CYB5A: variants seen among roughly 807,000 people sequenced by gnomAD.
CYB5A encodes the protein cytochrome b5 type A.
CYB5A carries 10 observed loss-of-function variants against 16.2 expected under a neutral mutation model. That is an observed-to-expected ratio of 0.62 (90% CI 0.38 to 1.04). The LOEUF (loss-of-function observed/expected upper bound fraction) is 1.04, where lower values mean the gene tolerates loss of function less well. CYB5A is among the 50% of genes least tolerant of loss of function. The pLI is 0.01. For synonymous variants in CYB5A, 62 were observed against 57.0 expected, an observed-to-expected ratio of 1.09 and a Z score of -0.40; for missense variants, 161 against 165.9, an observed-to-expected ratio of 0.97 and a Z score of 0.16.
intron 3 of CYB5A, chr18:74,257,252 T>TAC: frequency 3.8e-6 from 1 of 263,870 alleles, no homozygotes; most frequent in South Asian, 4.4e-5. Context: ...CCTTTGTGGT[T>TAC]ACCATGGGAG....
chr18:74,264,113 A>C (rs1208137983), intron 1 of CYB5A, among the ~76,000 whole-genome samples: 1 of 151,616 alleles, frequency 6.6e-6, no homozygotes, highest in Non-Finnish European at 1.5e-5. Flanking sequence ...CAGGAGGCTG[A>C]GTCTTGAGAA....
intron 3 of CYB5A, chr18:74,258,814 G>A (rs933778104): frequency 6.6e-6 from 1 of 152,220 alleles, no homozygotes; most frequent in South Asian, 2.1e-4. Flanking sequence ...ATACTCAGAA[G>A]TTAGTTAATC....
At chr18:74,284,929 G>A (rs1983263135) in intron 1 of CYB5A, among the ~76,000 whole-genome samples, 1 of 152,184 alleles carries the variant, frequency 6.6e-6, no homozygotes, top group African/African-American at 2.4e-5. Flanking sequence ...TCAACAGCAA[G>A]AACGGAGCTG....
intron 1 of CYB5A, among the ~76,000 whole-genome samples, chr18:74,289,639 GAT>G (rs1321561441): frequency 6.6e-5 from 10 of 152,104 alleles, no homozygotes; most frequent in Non-Finnish European, 1.3e-4. Context: ...AGCTGGGCGT[GAT>G]GGTGTGCGCC....
At chr18:74,275,711 A>G (rs1367225313) in intron 1 of CYB5A, among the ~76,000 whole-genome samples, 1 of 152,196 alleles carries the variant, frequency 6.6e-6, no homozygotes, top group African/African-American at 2.4e-5. Context: ...AAGCAACAAG[A>G]GGAACATGAA....
At chr18:74,271,683 G>A (rs991503662) in intron 1 of CYB5A, among the ~76,000 whole-genome samples, 1 of 151,932 alleles carries the variant, frequency 6.6e-6, no homozygotes, top group Non-Finnish European at 1.5e-5. Flanking sequence ...TGTGTGTGCG[G>A]TGAGATCACT....
In CYB5A at chr18:74,260,665, A is replaced by G. The variant is rs147939839; in HGVS notation, c.288+250T>C. 802 of 563,528 alleles carry G rather than the reference A, an allele frequency of 1.4e-3. 17 individuals are homozygous for G. The East Asian group carries it at 0.027, about 19-fold the overall frequency. The allele number at this position is 563,528 out of a possible 1,614,324, so 34.9% of individuals were successfully genotyped here. On this transcript the variant is annotated intron_variant, in intron 3 of 4. Transcript: ENST00000340533. ...AAAAGTAGCTCTTCAAATGGTATAT[A>G]TTGATAATTATGATGAAAAAAGTAG... is the stretch of plus-strand genomic sequence containing the variant.
chr18:74,275,728 TC>T (rs1344537681), intron 1 of CYB5A, among the ~76,000 whole-genome samples: 1 of 152,092 alleles, frequency 6.6e-6, no homozygotes, highest in Admixed American at 6.6e-5. Flanking sequence ...TGAAGGGGCA[TC>T]CGAATTGTTG....
At chr18:74,263,794 C>T (rs968169712) in intron 1 of CYB5A, among the ~76,000 whole-genome samples, 1 of 151,994 alleles carries the variant, frequency 6.6e-6, no homozygotes, top group African/African-American at 2.4e-5. Flanking sequence ...CCCCTGCAGT[C>T]CCAGATACAT....
chr18:74,272,428 A>G (rs1012815545), intron 1 of CYB5A, among the ~76,000 whole-genome samples: 8 of 152,192 alleles, frequency 5.3e-5, no homozygotes, highest in African/African-American at 1.9e-4. Flanking sequence ...CCCTTTCTGC[A>G]GAAAGTAAAG....
chr18:74,273,744 A>G (rs1982760810), intron 1 of CYB5A, among the ~76,000 whole-genome samples: 1 of 152,214 alleles, frequency 6.6e-6, no homozygotes, highest in African/African-American at 2.4e-5. Context: ...GAGAGATGCC[A>G]AGGCTTTCAG....
intron 2 of CYB5A, chr18:74,261,167 C>T (rs995650647): frequency 2.0e-5 from 10 of 501,390 alleles, no homozygotes; most frequent in African/African-American, 3.9e-5. Flanking sequence ...TCCAAAGTTT[C>T]GAACAGCACC....
intron 1 of CYB5A, among the ~76,000 whole-genome samples, chr18:74,284,609 C>T (rs74810966): frequency 0.12 from 18,191 of 152,206 alleles, 1,381 homozygotes; most frequent in Non-Finnish European, 0.17. Context: ...AACTGACACT[C>T]CCCAGGCCCT....
In CYB5A at chr18:74,262,073, G is replaced by A. The variant is rs961229263; in HGVS notation, c.259-1129C>T. Among the ~76,000 whole-genome samples the A allele has an allele frequency of 2.2e-4, 34 of 152,184 alleles. 1 individual carries two copies. Among genetic ancestry groups the A allele is most frequent in the Admixed American group, 2.2e-3 (34 of 15,280 alleles). On this transcript the variant is annotated intron_variant, in intron 2 of 4. Transcript: ENST00000340533. ...TTTCAGCGATTTTCCTGATAACTTAGGTTGACAGACTAGTAACATTTAACA... is the reference window on the plus strand; with the variant it reads ...TTTCAGCGATTTTCCTGATAACTTAAGTTGACAGACTAGTAACATTTAACA...
intron 1 of CYB5A, among the ~76,000 whole-genome samples, chr18:74,291,395 TA>T (rs1358883383): frequency 8.7e-6 from 1 of 115,290 alleles, no homozygotes; most frequent in Non-Finnish European, 2.3e-5. Context: ...CTCCCAGGTG[TA>T]CACGCGCAGG....
chr18:74,262,514 C>T (rs896923859), intron 2 of CYB5A, among the ~76,000 whole-genome samples: 8 of 151,138 alleles, frequency 5.3e-5, no homozygotes, highest in African/African-American at 1.9e-4. Flanking sequence ...AAAAGTTGGT[C>T]AATGAATTGG....
At position 74,251,012 on chromosome 18, in the gene CYB5A, AC is replaced by A. The variant is rs2145029669; in HGVS notation, c.*2571del. ...GTGAAATCCCGTCTCTACTAAAAAT[AC>A]AAAAAAATTAGCTAGGCATGGTGGC... is the stretch of plus-strand genomic sequence containing the variant. On this transcript the variant is annotated 3_prime_UTR_variant, in exon 5 of 5. Coordinates refer to ENST00000340533, the MANE Select transcript of CYB5A (RefSeq NM_148923.4). 1 of 152,220 alleles carries A rather than the reference AC, an allele frequency of 6.6e-6. No homozygotes were observed. The highest frequency in any genetic ancestry group is 1.9e-4 in the East Asian group (1 of 5,152). 9.4% of individuals were successfully genotyped at this position (152,220 alleles called of 1,614,324 possible). A position where few individuals can be genotyped will look rare whatever the true frequency, so the allele number is the denominator to read the frequency against.
chr18:74,283,049 C>T (rs1983178978), intron 1 of CYB5A, among the ~76,000 whole-genome samples: 1 of 152,138 alleles, frequency 6.6e-6, no homozygotes, highest in Non-Finnish European at 1.5e-5. Flanking sequence ...GAACTGACTG[C>T]CCAGTGGCCA....
chr18:74,286,723 C>G (rs1476284035), intron 1 of CYB5A, among the ~76,000 whole-genome samples: 2 of 152,216 alleles, frequency 1.3e-5, no homozygotes, highest in Non-Finnish European at 2.9e-5. Flanking sequence ...AGACTCCACT[C>G]AACTACAAAG....
Sources: allele counts gnomAD v4.1 joint callset (sites outside exome capture counted in the v4.1 genomes callset), GRCh38; gene constraint gnomAD v4.1.1; transcripts MANE v1.5; gene names NCBI Gene and HGNC (gene_info 2026-07-23, HGNC 2026-07-21).